The following WDFY3 variants were observed in gnomAD, a reference collection of about 807,000 sequenced individuals.
The protein encoded by WDFY3 is WD repeat and FYVE domain-containing protein 3.
Under a neutral mutation model 409.6 loss-of-function variants are expected in WDFY3, and 66 were observed. The ratio of observed to expected loss-of-function variants is 0.16; its 90% CI spans 0.13 to 0.20. The LOEUF (loss-of-function observed/expected upper bound fraction) is 0.20, where lower values mean the gene tolerates loss of function less well. Among genes scored for constraint, WDFY3 ranks in the 10% least tolerant of loss-of-function variants. The probability of loss-of-function intolerance (pLI) is 1.00; values close to 1 mark genes in which losing one functional copy is unlikely to be tolerated. For missense variants in WDFY3, 3,031 were observed against 4,298.1 expected (o/e 0.71, Z 8.24); for synonymous variants, 1,521 against 1,537.1 (o/e 0.99, Z 0.25).
At chr4:84,821,604 T>C in intron 10 of WDFY3, 53 bp from the exon 11 acceptor site, 2 of 1,420,774 alleles carry the variant, frequency 1.4e-6, no homozygotes, top group South Asian at 2.6e-5. Context: ...ATTTTAATGA[T>C]GGCAAACTAG....
At chr4:84,765,720 C>T (rs1743514161) in intron 32 of WDFY3, 90 bp downstream of exon 32, 1 of 1,090,638 alleles carries the variant, frequency 9.2e-7, no homozygotes, top group South Asian at 1.5e-5. Context: ...TAATGGTGAT[C>T]AAACCGCAGA....
chr4:84,721,614 A>T (rs1227905471), intron 46 of WDFY3, 42 bp from the exon 47 acceptor site: 1 of 1,591,774 alleles, frequency 6.3e-7, no homozygotes, highest in Admixed American at 1.7e-5. Flanking sequence ...CATTGTAAGG[A>T]CCTTGTGGGG....
At chr4:84,947,710 C>CAAAA (rs1176852063) in intron 1 of WDFY3, among the ~76,000 whole-genome samples, 2 of 77,456 alleles carry the variant, frequency 2.6e-5, no homozygotes, top group African/African-American at 9.4e-5. Flanking sequence ...CCACATCTAC[C>CAAAA]AAAAAAAAAA....
intron 56 of WDFY3, among the ~76,000 whole-genome samples, chr4:84,698,094 A>T (rs1730438219): frequency 6.6e-6 from 1 of 152,060 alleles, no homozygotes; most frequent in Non-Finnish European, 1.5e-5. Context: ...ACTAGGTCTA[A>T]TTTTTTGGTA....
chr4:84,745,822 C>T lies in WDFY3; in HGVS notation c.5974-2023G>A, dbSNP rs140735428. ...CAAGGCCTGTCTAGTCCTTTCAAGC[C>T]GATACTACATTGGGAGTCTTATCCC... On this transcript the variant is annotated intron_variant, in intron 36 of 67. Coordinates refer to ENST00000295888, the MANE Select transcript of WDFY3 (RefSeq NM_014991.6). 3.1e-3 allele frequency among the ~76,000 whole-genome samples: 476 copies of T among 152,036 alleles called. 3 individuals are homozygous for T. Among genetic ancestry groups the T allele is most frequent in the Non-Finnish European group, 4.3e-3 (295 of 67,972 alleles).
intron 33 of WDFY3, among the ~76,000 whole-genome samples, chr4:84,756,119 T>C (rs965917458): frequency 1.3e-5 from 2 of 152,212 alleles, no homozygotes; most frequent in Admixed American, 1.3e-4. Context: ...AGTCTTCAAT[T>C]AGAAGTCAAG....
chr4:84,768,628 C>T (rs1744100603), intron 30 of WDFY3, among the ~76,000 whole-genome samples: 1 of 152,128 alleles, frequency 6.6e-6, no homozygotes, highest in Non-Finnish European at 1.5e-5. Flanking sequence ...AAAAAAGGTT[C>T]CTTTCAAGAT....
chr4:84,786,995 A>T (rs1385817723), intron 23 of WDFY3, among the ~76,000 whole-genome samples: 1 of 152,204 alleles, frequency 6.6e-6, no homozygotes, highest in Admixed American at 6.5e-5. Flanking sequence ...CCAGCTTAAC[A>T]TCAGTTCCTC....
intron 7 of WDFY3, 28 bp from the exon 8 acceptor site, chr4:84,831,633 AGTGT>A: frequency 6.4e-7 from 1 of 1,572,686 alleles, no homozygotes; most frequent in Non-Finnish European, 8.7e-7. Flanking sequence ...ACAAAACAAG[AGTGT>A]ATAAGCAAAA....
chr4:84,731,484 C>T (rs1045267885), intron 44 of WDFY3, among the ~76,000 whole-genome samples: 4 of 152,162 alleles, frequency 2.6e-5, no homozygotes, highest in Non-Finnish European at 4.4e-5. Context: ...CATTCTGTAC[C>T]TGTCTCTCCT....
intron 3 of WDFY3, among the ~76,000 whole-genome samples, chr4:84,866,181 C>T (rs547807749): frequency 4.6e-5 from 7 of 152,270 alleles, no homozygotes; most frequent in South Asian, 4.1e-4. Flanking sequence ...CAGATTCCTC[C>T]TTTGCTCCTA....
intron 44 of WDFY3, among the ~76,000 whole-genome samples, chr4:84,729,367 G>A (rs930826601): frequency 1.3e-5 from 2 of 151,732 alleles, no homozygotes; most frequent in Admixed American, 6.6e-5. Context: ...CAGAATTATA[G>A]TATAATTCAT....
intron 33 of WDFY3, among the ~76,000 whole-genome samples, chr4:84,756,410 C>A (rs1741466440): frequency 6.6e-6 from 1 of 151,938 alleles, no homozygotes; most frequent in African/African-American, 2.4e-5. Flanking sequence ...CATGGTGAGA[C>A]CCTGTCTCTA....
chr4:84,886,199 A>G (rs1764198020), intron 3 of WDFY3, among the ~76,000 whole-genome samples: 1 of 152,154 alleles, frequency 6.6e-6, no homozygotes, highest in Non-Finnish European at 1.5e-5. Flanking sequence ...CCTTCATTAA[A>G]TTTATAGGTC....
At chr4:84,873,998 C>T (rs1262731697) in intron 3 of WDFY3, among the ~76,000 whole-genome samples, 1 of 151,692 alleles carries the variant, frequency 6.6e-6, no homozygotes, top group African/African-American at 2.4e-5. Context: ...CCAGGATGTT[C>T]TCGCACTCCT....
Position 84,817,349 on chromosome 4 carries a change from G to A in WDFY3, c.1887+43C>T, listed in dbSNP as rs747799465. The A allele has an allele frequency of 1.6e-5, 25 of 1,604,202 alleles. No individual in the cohort carries two copies. The South Asian group carries it at 2.5e-4, about 16-fold the overall frequency. On this transcript the variant is annotated intron_variant, in intron 13 of 67. Transcript: ENST00000295888. ...TACAGATCATCTAAAAATAACCACA[G>A]ATTTTAGTAGTAAAAGAAGGGAAAC...
intron 36 of WDFY3, among the ~76,000 whole-genome samples, chr4:84,749,953 G>C (rs1418887246): frequency 6.6e-6 from 1 of 152,014 alleles, no homozygotes; most frequent in Non-Finnish European, 1.5e-5. Flanking sequence ...AAAATAAAGG[G>C]CAATTATACA....
At chr4:84,896,484 A>G (rs1003841409) in intron 3 of WDFY3, among the ~76,000 whole-genome samples, 2 of 152,232 alleles carry the variant, frequency 1.3e-5, no homozygotes, top group African/African-American at 4.8e-5. Context: ...ATAAAACTAA[A>G]AAAGCATTTT....
chr4:84,796,192 T>C (rs1270163606), intron 19 of WDFY3, among the ~76,000 whole-genome samples: 1 of 150,216 alleles, frequency 6.7e-6, no homozygotes, highest in Non-Finnish European at 1.5e-5. Context: ...AAAGCAGCCA[T>C]AGGAAATATA....
Sources: gnomAD v4.1 joint callset for allele counts (sites outside exome capture counted in the v4.1 genomes callset) on GRCh38, gnomAD v4.1.1 for gene constraint, MANE v1.5 for transcripts, NCBI Gene and HGNC (gene_info 2026-07-23, HGNC 2026-07-21) for gene names.